Variants in PCDHGA4 observed in about 807,000 individuals in gnomAD.
PCDHGA4 encodes the protein protocadherin gamma-A4.
In PCDHGA4, 38 loss-of-function variants were observed where a neutral mutation model predicts 54.6. That is an observed-to-expected ratio of 0.70 (90% CI 0.54 to 0.91). The LOEUF is 0.91. Ranked by LOEUF, PCDHGA4 falls within the 40% of genes least tolerant of loss-of-function variation. The pLI is 0.00. For missense variants in PCDHGA4, 1,298 were observed against 1,220.9 expected (o/e 1.06, Z -0.94); for synonymous variants, 511 against 512.9 (o/e 1.00, Z 0.05).
intron 1 of PCDHGA4, chr5:141,360,753 T>G (rs1761729946): frequency 6.2e-7 from 1 of 1,613,848 alleles, no homozygotes; most frequent in Non-Finnish European, 8.5e-7. Context: ...AAGAGCACAG[T>G]TTACATCAAT....
intron 1 of PCDHGA4, chr5:141,372,840 A>G (rs373804282): frequency 2.6e-6 from 4 of 1,521,774 alleles, no homozygotes; most frequent in Non-Finnish European, 3.5e-6. Context: ...CCTTCCATAA[A>G]TATAATTGGG....
rs1292277026 is a variant in PCDHGA4 at position 141,489,814 on chromosome 5, CCA to C, written c.2515-4992_2515-4991del. 6 of 1,614,024 alleles carry C rather than the reference CCA, an allele frequency of 3.7e-6. No homozygotes were observed. Among genetic ancestry groups the C allele is most frequent in the Non-Finnish European group, 8.5e-7 (1 of 1,180,004 alleles). ...GACCCTAAAAGATGGGAAGCCATTC[CCA>C]GAGCTGGTGCTAGAGCAGCAGCTGG... On this transcript the variant is annotated intron_variant, in intron 1 of 3. Transcript: ENST00000571252. This position sits in a 1 kb window ranked among gnomAD's most constrained non-coding sequence, Gnocchi z 4.5.
chr5:141,457,079 C>T (rs114054058), intron 1 of PCDHGA4, among the ~76,000 whole-genome samples: 2,973 of 152,194 alleles, frequency 0.02, 43 homozygotes, highest in African/African-American at 0.029. Flanking sequence ...AACTATTATC[C>T]CTGCTATAAG....
Position 141,432,410 on chromosome 5 carries a change from T to C in PCDHGA4, c.2515-62397T>C. On this transcript the variant is annotated intron_variant, in intron 1 of 3. Transcript: ENST00000571252. This position sits in a 1 kb window ranked among gnomAD's most constrained non-coding sequence, Gnocchi z 6.0. The stretch of plus-strand genomic sequence containing the variant: ...CAGCAGCAACGTGTCGTTGAGCCTG[T>C]TCGTGCTGGACCAGAACGACAATGC... 6.2e-7 allele frequency: 1 copy of C among 1,614,228 alleles called. No homozygotes were observed. Among genetic ancestry groups the C allele is most frequent in the East Asian group, 2.2e-5 (1 of 44,884 alleles).
Position 141,432,229 on chromosome 5 carries a change from C to T in PCDHGA4, c.2515-62578C>T, listed in dbSNP as rs1246285803. Reference sequence around the variant, plus strand: ...AAGAGAACGCCCAGATCACTTATTCCCTGGCTGAGAACACCATCCAAGGGG... The same window carrying T: ...AAGAGAACGCCCAGATCACTTATTCTCTGGCTGAGAACACCATCCAAGGGG... On this transcript the variant is annotated intron_variant, in intron 1 of 3. Coordinates refer to ENST00000571252, the MANE Select transcript of PCDHGA4 (RefSeq NM_018917.4). The surrounding 1 kb of genome is among the most constrained non-coding windows in gnomAD (Gnocchi z 6.0). The T allele has an allele frequency of 6.2e-7, 1 of 1,614,232 alleles. No homozygotes were observed.
chr5:141,457,413 A>C (rs939244132), intron 1 of PCDHGA4, among the ~76,000 whole-genome samples: 6 of 152,142 alleles, frequency 3.9e-5, no homozygotes, highest in Non-Finnish European at 5.9e-5. Flanking sequence ...CACATTACCC[A>C]TCCCTTTTTC....
rs781198519 is a variant in PCDHGA4 at position 141,432,162 on chromosome 5, G to A, written c.2515-62645G>A. ...TATATCCCAGAGAACAATCCCAGAG[G>A]AGTTTCCCTCGTCTCTGTGACCGCC... On this transcript the variant is annotated intron_variant, in intron 1 of 3. Coordinates refer to ENST00000571252, the MANE Select transcript of PCDHGA4 (RefSeq NM_018917.4). The surrounding 1 kb of genome is among the most constrained non-coding windows in gnomAD (Gnocchi z 6.0). 1 of 1,614,070 alleles carries A rather than the reference G, an allele frequency of 6.2e-7. No homozygotes were observed. The highest frequency in any genetic ancestry group is 8.5e-7 in the Non-Finnish European group (1 of 1,180,030).
chr5:141,384,334 C>A (rs1779970411), intron 1 of PCDHGA4: 1 of 1,613,728 alleles, frequency 6.2e-7, no homozygotes, highest in African/African-American at 1.3e-5. Context: ...TGCACAGGAC[C>A]ACGACAGTGA....
At chr5:141,384,573 C>A in intron 1 of PCDHGA4, 1 of 1,614,250 alleles carries the variant, frequency 6.2e-7, no homozygotes, top group Non-Finnish European at 8.5e-7. Context: ...AGAATGACAA[C>A]CCGCCCGAGA....
In PCDHGA4 at chr5:141,432,358, G is replaced by A. The variant is rs750696244; in HGVS notation, c.2515-62449G>A. ...TCCGAGACTTGCAAGTGAAAGTGAT[G>A]GCGCGGGACAACGGGCACCCGCCCC... On this transcript the variant is annotated intron_variant, in intron 1 of 3. Transcript: ENST00000571252. This position sits in a 1 kb window ranked among gnomAD's most constrained non-coding sequence, Gnocchi z 6.0. The A allele has an allele frequency of 6.2e-7, 1 of 1,614,122 alleles. No homozygotes were observed. The highest frequency in any genetic ancestry group is 8.5e-7 in the Non-Finnish European group (1 of 1,180,060).
intron 1 of PCDHGA4, among the ~76,000 whole-genome samples, chr5:141,466,975 A>C (rs769024064): frequency 2.6e-5 from 4 of 151,842 alleles, no homozygotes; most frequent in Non-Finnish European, 5.9e-5. Context: ...CTCACAGCTC[A>C]TCATTTACCT....
chr5:141,448,152 C>T (rs1463599948), intron 1 of PCDHGA4, among the ~76,000 whole-genome samples: 1 of 151,984 alleles, frequency 6.6e-6, no homozygotes, highest in African/African-American at 2.4e-5. Flanking sequence ...CAGACTCACC[C>T]CTGAAAGATC....
intron 1 of PCDHGA4, chr5:141,361,038 C>G: frequency 6.2e-7 from 1 of 1,613,384 alleles, no homozygotes; most frequent in Non-Finnish European, 8.5e-7. Context: ...CAGGAGAAAT[C>G]ACGACAAAGG....
intron 1 of PCDHGA4, chr5:141,366,436 C>G: frequency 1.9e-6 from 3 of 1,614,194 alleles, no homozygotes; most frequent in Non-Finnish European, 2.5e-6. Flanking sequence ...CAGTCTCCTG[C>G]GTCTTCCTGG....
intron 3 of PCDHGA4, among the ~76,000 whole-genome samples, chr5:141,509,362 G>C (rs2099876497): frequency 6.6e-6 from 1 of 152,152 alleles, no homozygotes; most frequent in Non-Finnish European, 1.5e-5. Flanking sequence ...GCATCCCTGA[G>C]GTTTTAACTG....
At chr5:141,409,681 G>A in intron 1 of PCDHGA4, 1 of 1,613,368 alleles carries the variant, frequency 6.2e-7, no homozygotes, top group South Asian at 1.1e-5. Flanking sequence ...CTATAGTGGC[G>A]AGTGACCTAG....
rs368564960 is a variant in PCDHGA4 at position 141,408,437 on chromosome 5, G to T, written c.2514+50816G>T. Reference sequence around the variant, plus strand: ...GGAGAAGCTGCACTTCAGCGTAGACGCGGAGAGCGGGGACTTACTTGTGAA... The same window carrying T: ...GGAGAAGCTGCACTTCAGCGTAGACTCGGAGAGCGGGGACTTACTTGTGAA... On this transcript the variant is annotated intron_variant, in intron 1 of 3. Transcript: ENST00000571252. The T allele has an allele frequency of 1.3e-5, 21 of 1,613,950 alleles. No homozygotes were observed. Among genetic ancestry groups the T allele is most frequent in the Non-Finnish European group, 1.6e-5 (19 of 1,179,918 alleles).
chr5:141,389,137 T>C, intron 1 of PCDHGA4: 1 of 1,614,020 alleles, frequency 6.2e-7, no homozygotes. Flanking sequence ...GAGTACAATA[T>C]AACCGTTACG....
At chr5:141,460,459 T>A (rs2098989808) in intron 1 of PCDHGA4, among the ~76,000 whole-genome samples, 1 of 152,176 alleles carries the variant, frequency 6.6e-6, no homozygotes, top group South Asian at 2.1e-4. Flanking sequence ...ATTCATATTT[T>A]TTTCCAAAGG....
Sources: allele counts gnomAD v4.1 joint callset (sites outside exome capture counted in the v4.1 genomes callset), GRCh38; gene constraint gnomAD v4.1.1; non-coding constraint Gnocchi (gnomAD v3.1); transcripts MANE v1.5; gene names NCBI Gene and HGNC (gene_info 2026-07-23, HGNC 2026-07-21).